UBXN6: variants seen among roughly 807,000 people sequenced by gnomAD.
The protein encoded by UBXN6 is UBX domain-containing protein 6.
UBXN6 carries 44 observed loss-of-function variants against 51.4 expected under a neutral mutation model. The observed-to-expected ratio is 0.86, with a 90% confidence interval of 0.67 to 1.10. The LOEUF is 1.10. UBXN6 is among the 50% of genes least tolerant of loss of function. UBXN6 has a pLI of 0.00. For synonymous variants in UBXN6, 316 were observed against 263.2 expected (o/e 1.20, Z -1.94); for missense variants, 672 against 596.1 (o/e 1.13, Z -1.32).
At chr19:4,452,232 G>A in intron 4 of UBXN6, 132 bp downstream of exon 4, 1 of 1,322,570 alleles carries the variant, frequency 7.6e-7, no homozygotes, top group Non-Finnish European at 1.0e-6. Flanking sequence ...GGGTATCAGA[G>A]GAGGGGCTTC....
In UBXN6 at chr19:4,453,834, C is replaced by G. The variant is rs1974696360; in HGVS notation, c.247+96G>C. On this transcript the variant is annotated intron_variant, in intron 2 of 10. Transcript: ENST00000301281. ...CTCCCAAGGGTGACCCTCACACCCC[C>G]ACGGTTGCTCATGTGACTTCTGCAT... The G allele has an allele frequency of 3.3e-6, 5 of 1,522,846 alleles. No homozygotes were observed. In the South Asian group the frequency reaches 5.0e-5, roughly 15 times the overall value. 94.3% of individuals were successfully genotyped at this position (1,522,846 alleles called of 1,614,324 possible). A position where few individuals can be genotyped will look rare whatever the true frequency, so the allele number is the denominator to read the frequency against.
chr19:4,445,758 C>T, intron 10 of UBXN6, 135 bp from the exon 11 acceptor site: 1 of 1,412,946 alleles, frequency 7.1e-7, no homozygotes, highest in South Asian at 1.4e-5. Context: ...TGGCTCGCAC[C>T]CAGGCCTCCT....
At chr19:4,449,778 C>T (rs1399414048) in intron 4 of UBXN6, 2 of 152,128 alleles carry the variant, frequency 1.3e-5, no homozygotes, top group Non-Finnish European at 2.9e-5. Flanking sequence ...AAGCAAAAGA[C>T]AGGTGCTCTC....
In UBXN6 at chr19:4,445,565, G is replaced by T. The variant is rs764795659; in HGVS notation, c.1259C>A (p.Ala420Asp). 4 of 1,613,832 alleles carry T rather than the reference G, an allele frequency of 2.5e-6. No homozygotes were observed. Among genetic ancestry groups the T allele is most frequent in the East Asian group, 2.2e-5 (1 of 44,886 alleles). Residue 420 changes from alanine to aspartate, a missense_variant, in exon 11 of 11, where the codon GCC becomes GAC. By Grantham distance (126) the Ala-to-Asp change is moderately radical. Coordinates refer to ENST00000301281, the MANE Select transcript of UBXN6 (RefSeq NM_025241.3). Reference protein sequence around the residue: ...WDMAVLEDIKAAGAEPDSILK... With the variant: ...WDMAVLEDIKDAGAEPDSILK... ...GATGGAGTCCGGCTCGGCCCCCGCG[G>T]CCTTGATGTCCTCCAGCACAGCCAT...
chr19:4,445,322 G>A lies in UBXN6; in HGVS notation c.*176C>T. 9.2e-7 allele frequency: 1 copy of A among 1,088,200 alleles called. No individual in the cohort carries two copies. Among genetic ancestry groups the A allele is most frequent in the Middle Eastern group, 3.1e-4 (1 of 3,210 alleles). The allele number at this position is 1,088,200 out of a possible 1,614,324, so 67.4% of individuals were successfully genotyped here. ...GGGCGCATCCCCACAGCCCCCAAGGGATGGGGGCTCTGCCACGGGGCCCAA... is the reference window on the plus strand; with the variant it reads ...GGGCGCATCCCCACAGCCCCCAAGGAATGGGGGCTCTGCCACGGGGCCCAA... On this transcript the variant is annotated 3_prime_UTR_variant, in exon 11 of 11. Transcript: ENST00000301281.
In UBXN6 at chr19:4,445,864, G is replaced by T. The variant is rs772242326; in HGVS notation, c.1200+185C>A. On this transcript the variant is annotated intron_variant, in intron 10 of 10. Coordinates refer to ENST00000301281, the MANE Select transcript of UBXN6 (RefSeq NM_025241.3). ...CATTTGATGGGGAAACTGAGGCGTG[G>T]AGTAGTTATGAACTTGCTCGAGGCC... The T allele has an allele frequency of 4.6e-6, 5 of 1,078,946 alleles. No homozygotes were observed. The South Asian group carries it at 6.5e-5, about 14-fold the overall frequency. 66.8% of individuals were successfully genotyped at this position (1,078,946 alleles called of 1,614,324 possible). A position where few individuals can be genotyped will look rare whatever the true frequency, so the allele number is the denominator to read the frequency against.
chr19:4,448,249 C>A, intron 5 of UBXN6, 69 bp downstream of exon 5: 1 of 1,391,650 alleles, frequency 7.2e-7, no homozygotes. Context: ...GAGGGGGTGA[C>A]AGCCCCAGTG....
chr19:4,453,122 AGGAGAGAG>A (rs1481864872), intron 3 of UBXN6, among the ~76,000 whole-genome samples: 1 of 152,144 alleles, frequency 6.6e-6, no homozygotes, highest in Non-Finnish European at 1.5e-5. Context: ...CCTGGGGTGT[AGGAGAGAG>A]GACAGCTGGT....
intron 10 of UBXN6, 52 bp downstream of exon 10, chr19:4,445,994 CAGG>C: frequency 6.5e-7 from 1 of 1,548,204 alleles, no homozygotes; most frequent in Non-Finnish European, 8.7e-7. Context: ...GTGCCGGTCC[CAGG>C]AGAACCTGCA....
chr19:4,446,991 C>A, intron 6 of UBXN6, 71 bp from the exon 7 acceptor site: 13 of 1,493,658 alleles, frequency 8.7e-6, no homozygotes, highest in Non-Finnish European at 1.2e-5. Flanking sequence ...CCACCCAGTC[C>A]AGGGGCCCGG....
At position 4,453,472 on chromosome 19, in the gene UBXN6, G is replaced by A; in HGVS notation, c.298C>T (p.Pro100Ser). 3 of 1,613,668 alleles carry A rather than the reference G, an allele frequency of 1.9e-6. No homozygotes were observed. Among genetic ancestry groups the A allele is most frequent in the Non-Finnish European group, 2.5e-6 (3 of 1,179,862 alleles). The change falls in exon 3 of 11, where the codon CCA (proline) becomes TCA (serine). Residue 100 changes from proline to serine, a missense_variant. Transcript: ENST00000301281. ...GCTGTTCTTACCACGTTGGTCCCTG[G>A]GGCCTCGGGGCTCCCGCTGACGGTG... is the stretch of plus-strand genomic sequence containing the variant. Reference protein sequence around the residue: ...EATVSGSPEAPGTNVVSEPRE... With the variant: ...EATVSGSPEASGTNVVSEPRE...
rs749660204 is a variant in UBXN6 at position 4,446,181 on chromosome 19, C to T, written c.1068G>A (p.Arg356=). 77 of 1,606,822 alleles carry T rather than the reference C, an allele frequency of 4.8e-5. No homozygotes were observed. The highest frequency in any genetic ancestry group is 3.6e-5 in the Non-Finnish European group (42 of 1,178,642). Residue 356 remains arginine, a synonymous_variant, in exon 10 of 11, where the codon CGG becomes CGA. Transcript: ENST00000301281. ...GCLLQGTFYA[R]ERLGAVYGFV... ...ACCCGTACACCGCCCCCAGCCGCTC[C>T]CGAGCGTAGAAAGTGCCTGGGGAGT...
At chr19:4,450,777 AAAAAAAAAAG>A (rs1208274063) in intron 4 of UBXN6, 1 of 150,602 alleles carries the variant, frequency 6.6e-6, no homozygotes, top group Non-Finnish European at 1.5e-5. Flanking sequence ...AAAAAAAAAA[AAAAAAAAAAG>A]AGTGCCTACA....
chr19:4,447,835 G>A (rs1370554176), intron 5 of UBXN6: 5 of 587,254 alleles, frequency 8.5e-6, no homozygotes, highest in Non-Finnish European at 1.2e-5. Flanking sequence ...GCCAGCAGGA[G>A]CCCCACGGAA....
rs1346146453 is a variant in UBXN6 at position 4,446,927 on chromosome 19, G to A, written c.616-7C>T. The stretch of plus-strand genomic sequence containing the variant: ...CCAGGCAGTTAATGCGCTCCTGGGG[G>A]TGGAGATGGGCGTCACTGGGGGCCC... On this transcript the variant is annotated splice_polypyrimidine_tract_variant and splice_region_variant and intron_variant, in intron 6 of 10. Coordinates refer to ENST00000301281, the MANE Select transcript of UBXN6 (RefSeq NM_025241.3). 1.5e-5 allele frequency: 24 copies of A among 1,613,590 alleles called. 1 individual carries two copies. The highest frequency in any genetic ancestry group is 1.7e-5 in the Admixed American group (1 of 59,984).
chr19:4,457,801 A>T (rs56254866), upstream of UBXN6: 23,742 of 409,648 alleles, frequency 0.058, 2,477 homozygotes, highest in Admixed American at 0.085. Flanking sequence ...AAATTAAAAA[A>T]AAAAAAAAAA....
At chr19:4,445,704 C>T (rs902147658) in intron 10 of UBXN6, 81 bp from the exon 11 acceptor site, 59 of 1,558,334 alleles carry the variant, frequency 3.8e-5, no homozygotes, top group East Asian at 3.4e-4. Context: ...AACCTGGGCG[C>T]GGGGATGCCC....
At position 4,452,391 on chromosome 19, in the gene UBXN6, G is replaced by A. The variant is rs148732278; in HGVS notation, c.414C>T (p.Asp138=). Residue 138 remains aspartate, a synonymous_variant, in exon 4 of 11, where the codon GAC becomes GAT. Transcript: ENST00000301281. The part of the protein sequence containing the change: ...TGATLRKDQR[D]ACIKEAILLH... ...AGAGAATGGCCTCCTTGATGCAGGC[G>A]TCCCGCTGGTCCTTCCTCAGGGTGG... 362 of 1,613,494 alleles carry A rather than the reference G, an allele frequency of 2.2e-4. 3 individuals are homozygous for A. The African/African-American group carries it at 2.8e-3, about 13-fold the overall frequency.
chr19:4,448,022 T>C (rs1161820701), intron 5 of UBXN6: 4 of 527,422 alleles, frequency 7.6e-6, no homozygotes, highest in Admixed American at 6.4e-5. Context: ...CCCCCGATCC[T>C]GAGACCCGGG....
Sources: gnomAD v4.1 joint callset for allele counts (sites outside exome capture counted in the v4.1 genomes callset) on GRCh38, gnomAD v4.1.1 for gene constraint, MANE v1.5 for transcripts, NCBI Gene and HGNC (gene_info 2026-07-23, HGNC 2026-07-21) for gene names.